Variants in PDE2A observed in about 807,000 individuals in gnomAD.
PDE2A encodes the protein phosphodiesterase 2A.
Under a neutral mutation model 133.6 loss-of-function variants are expected in PDE2A, and 53 were observed. That is an observed-to-expected ratio of 0.40 (90% confidence interval 0.32 to 0.50). The LOEUF (loss-of-function observed/expected upper bound fraction) is 0.50, where lower values mean the gene tolerates loss of function less well. PDE2A is among the 20% of genes least tolerant of loss of function. PDE2A has a pLI of 0.73. For missense variants in PDE2A, 796 were observed against 1,232.4 expected (o/e 0.65, Z 5.30); for synonymous variants, 491 against 490.2 (o/e 1.00, Z -0.02).
chr11:72,672,716 A>C (rs1273839903), intron 1 of PDE2A, among the ~76,000 whole-genome samples: 4 of 147,808 alleles, frequency 2.7e-5, no homozygotes, highest in African/African-American at 1.0e-4. Context: ...TGTTAGCATG[A>C]CGTTGATCTC....
chr11:72,589,507 C>T (rs1034703459), intron 11 of PDE2A, among the ~76,000 whole-genome samples: 5 of 152,212 alleles, frequency 3.3e-5, no homozygotes, highest in Non-Finnish European at 5.9e-5. Context: ...TCCAGAAATA[C>T]TCCAACAGAA....
At chr11:72,644,285 T>C (rs948888516) in intron 1 of PDE2A, among the ~76,000 whole-genome samples, 2 of 152,218 alleles carry the variant, frequency 1.3e-5, no homozygotes, top group African/African-American at 2.4e-5. Flanking sequence ...TGTATTTTAC[T>C]GAATCTTCCA....
At chr11:72,655,503 GC>G in intron 1 of PDE2A, among the ~76,000 whole-genome samples, 2 of 149,696 alleles carry the variant, frequency 1.3e-5, no homozygotes, top group South Asian at 4.3e-4. Context: ...GTGTGTGTGT[GC>G]ACGCACGTGT....
chr11:72,630,712 G>T (rs1389736711), intron 2 of PDE2A, among the ~76,000 whole-genome samples: 1 of 151,952 alleles, frequency 6.6e-6, no homozygotes, highest in Non-Finnish European at 1.5e-5. Flanking sequence ...GTGGCCCAGG[G>T]GAGAGTTGAG....
At chr11:72,653,727 C>T (rs941330053) in intron 1 of PDE2A, among the ~76,000 whole-genome samples, 3 of 152,208 alleles carry the variant, frequency 2.0e-5, no homozygotes, top group Non-Finnish European at 2.9e-5. Context: ...TGAGCTGGCC[C>T]CAGTCCTGGG....
intron 1 of PDE2A, chr11:72,657,965 C>T (rs1854944851): frequency 2.2e-6 from 1 of 456,102 alleles, no homozygotes; most frequent in Non-Finnish European, 4.4e-6. Flanking sequence ...GTCACAGGAG[C>T]TGAGGAGGGG....
intron 2 of PDE2A, among the ~76,000 whole-genome samples, chr11:72,628,675 C>T (rs544949609): frequency 3.9e-5 from 6 of 152,366 alleles, no homozygotes; most frequent in African/African-American, 1.4e-4. Flanking sequence ...GACTGATGCT[C>T]AGGCTGGTTA....
At chr11:72,602,850 T>C (rs1856817420) in intron 4 of PDE2A, among the ~76,000 whole-genome samples, 9 of 152,176 alleles carry the variant, frequency 5.9e-5, no homozygotes, top group Admixed American at 5.9e-4. Context: ...CCCTCGTCCA[T>C]ACACCTGGGT....
intron 1 of PDE2A, among the ~76,000 whole-genome samples, chr11:72,646,578 A>C (rs1859132775): frequency 6.6e-6 from 1 of 152,162 alleles, no homozygotes; most frequent in East Asian, 1.9e-4. Context: ...GTTCACTCTG[A>C]CCATGTTCAC....
rs1280873736 is a variant in PDE2A at position 72,578,127 on chromosome 11, T to C, written c.2615+106A>G. 2 of 756,800 alleles carry C rather than the reference T, an allele frequency of 2.6e-6. No individual in the cohort carries two copies. The highest frequency in any genetic ancestry group is 2.4e-5 in the East Asian group (1 of 41,010). The allele number at this position is 756,800 out of a possible 1,614,324, so 46.9% of individuals were successfully genotyped here. A position where few individuals can be genotyped will look rare whatever the true frequency, so the allele number is the denominator to read the frequency against. Reference sequence around the variant, plus strand: ...GCCCAGAGGCAAGGGGATGAATCAGTTGGACCTGGGCCAGGCCAATCTCAG... The same window carrying C: ...GCCCAGAGGCAAGGGGATGAATCAGCTGGACCTGGGCCAGGCCAATCTCAG... On this transcript the variant is annotated intron_variant, in intron 30 of 30. Transcript: ENST00000334456. This position sits in a 1 kb window ranked among gnomAD's most constrained non-coding sequence, Gnocchi z 4.2.
intron 1 of PDE2A, among the ~76,000 whole-genome samples, chr11:72,661,428 T>G (rs984670023): frequency 3.9e-5 from 6 of 152,170 alleles, no homozygotes; most frequent in African/African-American, 1.2e-4. Flanking sequence ...GGGGGTTTTT[T>G]GGCCCTAATC....
intron 2 of PDE2A, among the ~76,000 whole-genome samples, chr11:72,618,262 G>T (rs543535447): frequency 6.6e-6 from 1 of 152,316 alleles, no homozygotes; most frequent in Non-Finnish European, 1.5e-5. Flanking sequence ...CAGCGCCCCA[G>T]TCTGATTCCC....
At chr11:72,603,177 A>C (rs1338512645) in intron 4 of PDE2A, among the ~76,000 whole-genome samples, 5 of 152,064 alleles carry the variant, frequency 3.3e-5, no homozygotes, top group African/African-American at 1.2e-4. Flanking sequence ...TTGCCTTCTC[A>C]TCCCCTGGCC....
Position 72,589,246 on chromosome 11 carries a change from G to C in PDE2A, c.874-6C>G. On this transcript the variant is annotated splice_region_variant and splice_polypyrimidine_tract_variant and intron_variant, in intron 11 of 30. Coordinates refer to ENST00000334456, the MANE Select transcript of PDE2A (RefSeq NM_002599.5). ...TGGCCCAGGCATCCTGTCAACTAGG[G>C]GGTGAGGAGAGACTGAGTCAGGGCC... 4 of 1,611,804 alleles carry C rather than the reference G, an allele frequency of 2.5e-6. No individual in the cohort carries two copies. The highest frequency in any genetic ancestry group is 3.4e-6 in the Non-Finnish European group (4 of 1,178,274).
At position 72,579,353 on chromosome 11, in the gene PDE2A, C is replaced by G; in HGVS notation, c.2287G>C (p.Asp763His). The G allele has an allele frequency of 1.2e-6, 2 of 1,613,892 alleles. No homozygotes were observed. The highest frequency in any genetic ancestry group is 1.7e-6 in the Non-Finnish European group (2 of 1,179,948). Reference protein sequence around the residue: ...DYQRMLDLMRDIILATDLAHH... With the variant: ...DYQRMLDLMRHIILATDLAHH... The stretch of plus-strand genomic sequence containing the variant: ...GCCAGGTCTGTGGCCAAGATGATGT[C>G]CCGCATCAGATCCAGCATGCGCTGA... Residue 763 changes from aspartate to histidine, a missense_variant, in exon 27 of 31, where the codon GAC (aspartate) becomes CAC (histidine). Physicochemically the swap from Asp to His is moderately conservative, Grantham distance 81. This residue lies in a region of PDE2A where 218 missense variants were observed against 465.9 expected (regional missense o/e 0.47). Coordinates refer to ENST00000334456, the MANE Select transcript of PDE2A (RefSeq NM_002599.5).
At chr11:72,606,371 G>C (rs1365849385) in intron 3 of PDE2A, among the ~76,000 whole-genome samples, 1 of 152,154 alleles carries the variant, frequency 6.6e-6, no homozygotes, top group Admixed American at 6.6e-5. Flanking sequence ...CAGTAAGTGT[G>C]GAATCCTTCC....
In PDE2A at chr11:72,642,346, C is replaced by T. The variant is rs748735331; in HGVS notation, c.72-20G>A. On this transcript the variant is annotated intron_variant, in intron 1 of 30. Coordinates refer to ENST00000334456, the MANE Select transcript of PDE2A (RefSeq NM_002599.5). ...CCCCGCCTGAGGAATTGGACAACAG[C>T]GATGAGGATGTGGTGCAGCACCAGG... 1 of 1,529,892 alleles carries T rather than the reference C, an allele frequency of 6.5e-7. No homozygotes were observed. The highest frequency in any genetic ancestry group is 8.8e-7 in the Non-Finnish European group (1 of 1,140,642). 94.8% of individuals were successfully genotyped at this position (1,529,892 alleles called of 1,614,324 possible). A position where few individuals can be genotyped will look rare whatever the true frequency, so the allele number is the denominator to read the frequency against.
intron 2 of PDE2A, 135 bp downstream of exon 2, chr11:72,642,119 C>A (rs1858977863): frequency 8.1e-7 from 1 of 1,233,602 alleles, no homozygotes; most frequent in East Asian, 3.2e-5. Flanking sequence ...TCTGCGCTGC[C>A]GTCCCAGCAC....
At chr11:72,650,668 CCTGAT>C (rs148721406) in intron 1 of PDE2A, among the ~76,000 whole-genome samples, 3,780 of 152,254 alleles carry the variant, frequency 0.025, 133 homozygotes, top group African/African-American at 0.087. Flanking sequence ...GATGCCTCCT[CCTGAT>C]CCTGGTAGCA....
Sources: allele counts gnomAD v4.1 joint callset (sites outside exome capture counted in the v4.1 genomes callset), GRCh38; gene constraint gnomAD v4.1.1; regional missense constraint gnomAD v4.1.1; non-coding constraint Gnocchi (gnomAD v3.1); transcripts MANE v1.5; gene names NCBI Gene and HGNC (gene_info 2026-07-23, HGNC 2026-07-21).